The following FOXP1 variants were observed in gnomAD, a reference collection of about 807,000 sequenced individuals.
FOXP1 encodes forkhead box protein P1.
In FOXP1, 15 loss-of-function variants were observed where a neutral mutation model predicts 98.2. The observed-to-expected ratio is 0.15, with a 90% CI of 0.10 to 0.24. FOXP1 has a LOEUF of 0.24. Among genes scored for constraint, FOXP1 ranks in the 10% least tolerant of loss-of-function variants. FOXP1 has a pLI of 1.00. For synonymous variants in FOXP1, 371 were observed against 314.5 expected (o/e 1.18, Z -1.90); for missense variants, 633 against 848.5 (o/e 0.75, Z 3.15).
At chr3:71,072,465 G>C (rs1050284898) in intron 7 of FOXP1, among the ~76,000 whole-genome samples, 1 of 152,068 alleles carries the variant, frequency 6.6e-6, no homozygotes, top group Non-Finnish European at 1.5e-5. Flanking sequence ...ATGTTTTTTG[G>C]GAAACAACCC....
intron 5 of FOXP1, among the ~76,000 whole-genome samples, chr3:71,209,400 C>T (rs963679600): frequency 6.6e-6 from 1 of 152,176 alleles, no homozygotes; most frequent in Non-Finnish European, 1.5e-5. Context: ...CCTTAATGCT[C>T]CAGTCTCCTC....
chr3:71,474,637 C>T (rs924001706), intron 3 of FOXP1, among the ~76,000 whole-genome samples: 1 of 151,928 alleles, frequency 6.6e-6, no homozygotes, highest in Non-Finnish European at 1.5e-5. Context: ...GTGAACTGCA[C>T]ATGTGAGGGA....
chr3:71,472,609 C>T lies in FOXP1; in HGVS notation c.-168+20817G>A, dbSNP rs182264442. 3.4e-4 allele frequency among the ~76,000 whole-genome samples: 52 copies of T among 152,170 alleles called. No individual in the cohort carries two copies. In the East Asian group the frequency reaches 8.9e-3, roughly 26 times the overall value. On this transcript the variant is annotated intron_variant, in intron 3 of 20. Coordinates refer to ENST00000649528, the MANE Select transcript of FOXP1 (RefSeq NM_001349338.3). Reference sequence around the variant, plus strand: ...CCAGCATCTGGGACTTTGAAACCAGCCCAGAACTCCAACAGGAAACCCCAG... The same window carrying T: ...CCAGCATCTGGGACTTTGAAACCAGTCCAGAACTCCAACAGGAAACCCCAG...
At chr3:71,088,793 G>C (rs2055447565) in intron 7 of FOXP1, among the ~76,000 whole-genome samples, 1 of 152,128 alleles carries the variant, frequency 6.6e-6, no homozygotes, top group African/African-American at 2.4e-5. Context: ...CCATTGTTTA[G>C]GGGGAAACGC....
intron 4 of FOXP1, among the ~76,000 whole-genome samples, chr3:71,314,677 G>A (rs998529759): frequency 6.6e-6 from 1 of 151,948 alleles, no homozygotes; most frequent in Non-Finnish European, 1.5e-5. Context: ...ATAGTAGTTG[G>A]AGAATTGTAG....
At chr3:71,522,677 T>TG (rs1457298123) in intron 2 of FOXP1, among the ~76,000 whole-genome samples, 2 of 152,188 alleles carry the variant, frequency 1.3e-5, no homozygotes, top group Non-Finnish European at 2.9e-5. Context: ...TCTGGGCCAA[T>TG]GCCAGCCTCT....
intron 5 of FOXP1, among the ~76,000 whole-genome samples, chr3:71,299,029 T>C (rs1367057823): frequency 2.0e-5 from 3 of 152,282 alleles, no homozygotes; most frequent in African/African-American, 4.8e-5. Flanking sequence ...TTGAGAAATA[T>C]CAGATGTTAA....
chr3:71,414,737 C>T (rs181792368), intron 3 of FOXP1, among the ~76,000 whole-genome samples: 61 of 152,290 alleles, frequency 4.0e-4, no homozygotes, highest in South Asian at 6.2e-4. Flanking sequence ...TGGGAAACAC[C>T]GGGTGTGCCT....
chr3:71,411,295 GTGTGTGTGTGTGTGTGTGTGTGTA>G (rs1346050590), intron 3 of FOXP1, among the ~76,000 whole-genome samples: 4 of 147,878 alleles, frequency 2.7e-5, no homozygotes, highest in African/African-American at 1.0e-4. Context: ...GTGTGTGTGT[GTGTGTGTGTGTGTGTGTGTGTGTA>G]TGTGTGTGTG....
chr3:71,555,401 A>G (rs545629033), intron 2 of FOXP1, among the ~76,000 whole-genome samples: 1 of 152,306 alleles, frequency 6.6e-6, no homozygotes, highest in East Asian at 1.9e-4. Flanking sequence ...AGCACCATAT[A>G]AGCATCTCAC....
At chr3:71,389,056 T>G (rs2080821968) in intron 3 of FOXP1, among the ~76,000 whole-genome samples, 1 of 152,058 alleles carries the variant, frequency 6.6e-6, no homozygotes, top group Admixed American at 6.6e-5. Flanking sequence ...TCATTAGAAA[T>G]TTTTAAATAA....
intron 3 of FOXP1, among the ~76,000 whole-genome samples, chr3:71,426,017 G>T (rs530763616): frequency 6.6e-6 from 1 of 152,258 alleles, no homozygotes; most frequent in African/African-American, 2.4e-5. Flanking sequence ...CTCTGCCCAG[G>T]ACTGAAAATA....
chr3:71,308,003 C>A (rs1277957221), intron 4 of FOXP1, among the ~76,000 whole-genome samples: 1 of 152,136 alleles, frequency 6.6e-6, no homozygotes, highest in African/African-American at 2.4e-5. Flanking sequence ...GCGCCGGATT[C>A]GGGAGCGAAT....
At chr3:71,264,960 T>A (rs547942469) in intron 5 of FOXP1, among the ~76,000 whole-genome samples, 1 of 152,152 alleles carries the variant, frequency 6.6e-6, no homozygotes. Context: ...TTGCACAAGA[T>A]CACATAGCGA....
chr3:71,113,040 G>C (rs1559954992), intron 6 of FOXP1, among the ~76,000 whole-genome samples: 1 of 152,030 alleles, frequency 6.6e-6, no homozygotes, highest in Non-Finnish European at 1.5e-5. Context: ...ATTCTTCTTG[G>C]GGAAATGTAG....
chr3:71,197,776 T>A, intron 6 of FOXP1: 1 of 1,104,690 alleles, frequency 9.1e-7, no homozygotes, highest in Non-Finnish European at 1.3e-6. Flanking sequence ...TCCTTACTCA[T>A]CTACTCTTTT....
intron 4 of FOXP1, among the ~76,000 whole-genome samples, chr3:71,326,253 G>A (rs2075684027): frequency 6.6e-6 from 1 of 152,172 alleles, no homozygotes; most frequent in Admixed American, 6.5e-5. Context: ...CAGTGCTGCA[G>A]TGCAAATAAA....
At chr3:70,960,131 A>C (rs1007368514) in intron 20 of FOXP1, among the ~76,000 whole-genome samples, 1 of 152,196 alleles carries the variant, frequency 6.6e-6, no homozygotes, top group African/African-American at 2.4e-5. Flanking sequence ...AACTTCAAGC[A>C]AACACAGCAA....
intron 3 of FOXP1, among the ~76,000 whole-genome samples, chr3:71,416,189 A>G (rs1279766698): frequency 6.6e-6 from 1 of 152,204 alleles, no homozygotes; most frequent in Admixed American, 6.5e-5. Flanking sequence ...AAAGGGATGA[A>G]TGCCACAAAA....
Sources: allele counts gnomAD v4.1 joint callset (sites outside exome capture counted in the v4.1 genomes callset), GRCh38; gene constraint gnomAD v4.1.1; transcripts MANE v1.5; gene names NCBI Gene and HGNC (gene_info 2026-07-23, HGNC 2026-07-21).